The following GLP2R variants were observed in gnomAD, a reference collection of about 807,000 sequenced individuals.
GLP2R encodes the protein glucagon like peptide 2 receptor, also known as glucagon-like peptide 2 receptor.
In GLP2R, 59 loss-of-function variants were observed where a neutral mutation model predicts 68.2. The ratio of observed to expected loss-of-function variants is 0.87; its 90% CI spans 0.70 to 1.07. The LOEUF (loss-of-function observed/expected upper bound fraction) is 1.07, where lower values mean the gene tolerates loss of function less well. Ranked by LOEUF, GLP2R falls within the 50% of genes least tolerant of loss-of-function variation. The probability of loss-of-function intolerance (pLI) is 0.00; values close to 1 mark genes in which losing one functional copy is unlikely to be tolerated. For synonymous variants in GLP2R, 270 were observed against 265.4 expected (o/e 1.02, Z -0.17); for missense variants, 548 against 677.4 (o/e 0.81, Z 2.12).
At chr17:9,842,736 G>C (rs143704251) in intron 4 of GLP2R, 120 bp downstream of exon 4, 3 of 1,110,928 alleles carry the variant, frequency 2.7e-6, no homozygotes, top group Admixed American at 2.3e-5. Context: ...GCCTCTCCCC[G>C]GGGAAGCTAA....
intron 10 of GLP2R, among the ~76,000 whole-genome samples, chr17:9,872,147 G>A (rs978333176): frequency 2.6e-5 from 4 of 152,264 alleles, no homozygotes; most frequent in South Asian, 4.1e-4. Context: ...AGGTGGGCAC[G>A]AGTGAAGATG....
At chr17:9,842,306 G>T (rs926025963) in intron 3 of GLP2R, among the ~76,000 whole-genome samples, 189 bp from the exon 4 acceptor site, 2 of 152,156 alleles carry the variant, frequency 1.3e-5, no homozygotes, top group African/African-American at 4.8e-5. Flanking sequence ...AGCAGACCAT[G>T]GTGTGTTACA....
intron 1 of GLP2R, among the ~76,000 whole-genome samples, chr17:9,831,613 G>T (rs796914614): frequency 2.0e-5 from 3 of 152,310 alleles, no homozygotes; most frequent in African/African-American, 7.2e-5. Flanking sequence ...GTGCCAATGG[G>T]AAGTGCAAGG....
chr17:9,842,562 G>C lies in GLP2R; in HGVS notation c.450G>C (p.Thr150=). ...CTTGGCAGACGATAGAGAACGCCAC[G>C]GATATTTGGCAGGATGACTCCGAAT... ...QGTWQTIENA[T]DIWQDDSECS... The change falls in exon 4 of 13, where the codon ACG becomes ACC. Residue 150 remains threonine, a synonymous_variant. Transcript: ENST00000262441. 1 of 1,614,000 alleles carries C rather than the reference G, an allele frequency of 6.2e-7. No homozygotes were observed. Among genetic ancestry groups the C allele is most frequent in the Non-Finnish European group, 8.5e-7 (1 of 1,179,966 alleles).
chr17:9,868,719 T>C (rs901804804), intron 9 of GLP2R, among the ~76,000 whole-genome samples: 1 of 152,220 alleles, frequency 6.6e-6, no homozygotes, highest in Non-Finnish European at 1.5e-5. Flanking sequence ...TTCTATGGGT[T>C]GATGCCCATT....
Position 9,857,439 on chromosome 17 carries a change from C to T in GLP2R, c.628C>T (p.Arg210Cys), listed in dbSNP as rs575133662. Residue 210 changes from arginine to cysteine, a missense_variant, in exon 6 of 13, where the codon CGC becomes TGC. Physicochemically the swap from Arg to Cys is radical, Grantham distance 180. Coordinates refer to ENST00000262441, the MANE Select transcript of GLP2R (RefSeq NM_004246.3). ...CTCGCACAGAAAACTCCACTGCACG[C>T]GCAACTACATCCACATGAACTTGTT... ...LLFLRKLHCT[R>C]NYIHMNLFAS... 26 of 1,614,172 alleles carry T rather than the reference C, an allele frequency of 1.6e-5. No homozygotes were observed. The highest frequency in any genetic ancestry group is 3.3e-5 in the Admixed American group (2 of 60,018).
intron 11 of GLP2R, among the ~76,000 whole-genome samples, chr17:9,886,990 G>A (rs1454956812): frequency 6.6e-6 from 1 of 152,146 alleles, no homozygotes; most frequent in Non-Finnish European, 1.5e-5. Context: ...ACATCAATTA[G>A]GGACAGCCAG....
At chr17:9,857,081 C>A (rs569355844) in intron 5 of GLP2R, among the ~76,000 whole-genome samples, 3 of 152,228 alleles carry the variant, frequency 2.0e-5, no homozygotes, top group East Asian at 1.9e-4. Flanking sequence ...GCCACCACAC[C>A]CAGCTAACTT....
chr17:9,839,434 A>G lies in GLP2R; in HGVS notation c.382+2959A>G, dbSNP rs368472984. Among the ~76,000 whole-genome samples the G allele has an allele frequency of 9.4e-4, 143 of 151,848 alleles. 1 individual carries two copies. The highest frequency in any genetic ancestry group is 2.9e-3 in the African/African-American group (121 of 41,402). On this transcript the variant is annotated intron_variant, in intron 3 of 12. Coordinates refer to ENST00000262441, the MANE Select transcript of GLP2R (RefSeq NM_004246.3). ...TCCTCCTTCTCCGCCTCTCTTCCCC[A>G]TCTAAGGAATGGTCTCAGGGTCCAC...
intron 4 of GLP2R, chr17:9,853,392 A>G (rs977300989): frequency 1.3e-5 from 2 of 157,326 alleles, no homozygotes; most frequent in African/African-American, 4.8e-5. Context: ...TGCAGGACGG[A>G]ATCACACCAG....
intron 4 of GLP2R, among the ~76,000 whole-genome samples, chr17:9,849,049 A>G (rs905905115): frequency 1.3e-5 from 2 of 151,866 alleles, no homozygotes; most frequent in South Asian, 2.1e-4. Context: ...ATGAATTCAT[A>G]TATCTGTATA....
At chr17:9,832,274 CA>C (rs1405238321) in intron 1 of GLP2R, among the ~76,000 whole-genome samples, 3 of 151,970 alleles carry the variant, frequency 2.0e-5, no homozygotes, top group Admixed American at 2.0e-4. Context: ...CCTGTCTCTA[CA>C]AAAAATACAA....
chr17:9,837,445 G>A (rs764210915), intron 3 of GLP2R, among the ~76,000 whole-genome samples: 7 of 150,964 alleles, frequency 4.6e-5, no homozygotes, highest in Non-Finnish European at 8.8e-5. Context: ...CTGTCATGGA[G>A]AGGAGAAACA....
At chr17:9,888,667 A>T (rs1168718562) in intron 12 of GLP2R, among the ~76,000 whole-genome samples, 1 of 152,170 alleles carries the variant, frequency 6.6e-6, no homozygotes, top group Non-Finnish European at 1.5e-5. Context: ...GGGTTTCACC[A>T]TGTTGGCCAG....
chr17:9,854,393 G>C, intron 4 of GLP2R, 102 bp from the exon 5 acceptor site: 1 of 729,024 alleles, frequency 1.4e-6, no homozygotes, highest in South Asian at 1.6e-5. Flanking sequence ...AAAAATGTTG[G>C]GAGTCCATGC....
intron 4 of GLP2R, among the ~76,000 whole-genome samples, chr17:9,847,077 A>T (rs935585199): frequency 6.6e-6 from 1 of 152,252 alleles, no homozygotes. Flanking sequence ...TCAAGCTACC[A>T]GTGTGACCGC....
At chr17:9,851,644 C>T (rs1415888332) in intron 4 of GLP2R, among the ~76,000 whole-genome samples, 1 of 151,942 alleles carries the variant, frequency 6.6e-6, no homozygotes, top group Non-Finnish European at 1.5e-5. Context: ...TCAAAGTCTA[C>T]ACCGAGAGTT....
rs1372123539 is a variant in GLP2R, at chr17:9,870,904, G to T, written c.1145+69G>T. On this transcript the variant is annotated intron_variant, in intron 10 of 12. Transcript: ENST00000262441. The stretch of plus-strand genomic sequence containing the variant: ...AAGTACTCTGGCTGTTCTGCCCGCT[G>T]TCTTGGGAAGGACATTTATCTCCTA... The T allele has an allele frequency of 5.0e-5, 39 of 782,406 alleles. No homozygotes were observed. In the Middle Eastern group the frequency reaches 6.8e-4, roughly 14 times the overall value. The allele number at this position is 782,406 out of a possible 1,614,324, so 48.5% of individuals were successfully genotyped here.
chr17:9,865,317 TGTGTG>T lies in GLP2R; in HGVS notation c.1056+3228_1056+3232del, dbSNP rs2067025145. 3.1e-5 allele frequency among the ~76,000 whole-genome samples: 3 copies of T among 96,922 alleles called. No individual in the cohort carries two copies. The South Asian group carries it at 7.3e-4, about 24-fold the overall frequency. The allele number at this position is 96,922 out of a possible 152,430, so 63.6% of individuals were successfully genotyped here. A position where few individuals can be genotyped will look rare whatever the true frequency, so the allele number is the denominator to read the frequency against. Reference sequence around the variant, plus strand: ...TCTTCTTTAGCCCCTTGTGATTTTGTGTGTGTGTGTGTGTGTGTGCAGACCTCTGC... The same window carrying T: ...TCTTCTTTAGCCCCTTGTGATTTTGTTGTGTGTGTGTGTGCAGACCTCTGC... On this transcript the variant is annotated intron_variant, in intron 9 of 12. Transcript: ENST00000262441.
Sources: allele counts gnomAD v4.1 joint callset (sites outside exome capture counted in the v4.1 genomes callset), GRCh38; gene constraint gnomAD v4.1.1; transcripts MANE v1.5; gene names NCBI Gene and HGNC (gene_info 2026-07-23, HGNC 2026-07-21).